CNTNAP5: variants seen among roughly 807,000 people sequenced by gnomAD.
CNTNAP5 encodes contactin-associated protein-like 5.
CNTNAP5 carries 72 observed loss-of-function variants against 150.2 expected under a neutral mutation model. The observed-to-expected ratio is 0.48, with a 90% CI of 0.40 to 0.58. The LOEUF (loss-of-function observed/expected upper bound fraction) is 0.58. Among genes scored for constraint, CNTNAP5 ranks in the 20% least tolerant of loss-of-function variants. The pLI, the probability that CNTNAP5 is intolerant of heterozygous loss-of-function variation, is 0.00. For missense variants in CNTNAP5, 1,636 were observed against 1,626.2 expected, an observed-to-expected ratio of 1.01 and a Z score of -0.10; for synonymous variants, 672 against 619.8, an observed-to-expected ratio of 1.08 and a Z score of -1.25.
At chr2:124,572,911 A>G (rs17011727) in intron 11 of CNTNAP5, among the ~76,000 whole-genome samples, 27,152 of 152,152 alleles carry the variant, frequency 0.18, 3,556 homozygotes, top group East Asian at 0.61. Flanking sequence ...ATTCTCTCAC[A>G]TAGCACTTAT....
At chr2:124,601,551 A>G (rs1696983786) in intron 11 of CNTNAP5, among the ~76,000 whole-genome samples, 1 of 152,234 alleles carries the variant, frequency 6.6e-6, no homozygotes, top group South Asian at 2.1e-4. Flanking sequence ...CCAAACAAGC[A>G]CAGCTTAAAG....
intron 13 of CNTNAP5, among the ~76,000 whole-genome samples, chr2:124,703,437 C>T (rs1324749463): frequency 6.6e-6 from 1 of 152,068 alleles, no homozygotes; most frequent in Non-Finnish European, 1.5e-5. Context: ...ACTTTTTAAC[C>T]TCTGATCCAA....
intron 3 of CNTNAP5, among the ~76,000 whole-genome samples, chr2:124,416,406 C>G (rs535951663): frequency 1.5e-4 from 23 of 150,942 alleles, no homozygotes; most frequent in Middle Eastern, 3.4e-3. Context: ...TTATTGTTCA[C>G]ATGTCATTCA....
At chr2:124,799,174 T>C (rs923246058) in intron 19 of CNTNAP5, among the ~76,000 whole-genome samples, 2 of 152,236 alleles carry the variant, frequency 1.3e-5, no homozygotes, top group African/African-American at 2.4e-5. Flanking sequence ...TTGCCCATTA[T>C]TAATTTAAGC....
At chr2:124,107,887 A>T (rs966772938) in intron 1 of CNTNAP5, among the ~76,000 whole-genome samples, 7 of 152,184 alleles carry the variant, frequency 4.6e-5, no homozygotes, top group African/African-American at 1.7e-4. Flanking sequence ...TAAGATGTGC[A>T]TTGGTTCTGT....
intron 7 of CNTNAP5, among the ~76,000 whole-genome samples, chr2:124,492,272 A>G (rs1558925693): frequency 6.6e-6 from 1 of 152,196 alleles, no homozygotes; most frequent in Non-Finnish European, 1.5e-5. Context: ...TCTGTAATAC[A>G]TTTCAAGTTA....
Position 124,038,816 on chromosome 2 carries a change from C to T in CNTNAP5, c.82+13084C>T, listed in dbSNP as rs184165176. On this transcript the variant is annotated intron_variant, in intron 1 of 23. Transcript: ENST00000682447. The stretch of plus-strand genomic sequence containing the variant: ...AGGAATCTCTAAGCCTACAATTTCA[C>T]GCAAAAGCAACTAGGTACAAGAACA... Among the ~76,000 whole-genome samples the T allele has an allele frequency of 4.6e-5, 7 of 152,266 alleles. No homozygotes were observed. In the South Asian group the frequency reaches 6.2e-4, roughly 14 times the overall value.
intron 1 of CNTNAP5, among the ~76,000 whole-genome samples, chr2:124,129,656 A>C (rs143632337): frequency 2.0e-3 from 307 of 152,286 alleles, no homozygotes; most frequent in Non-Finnish European, 3.1e-3. Context: ...CTAGTGCACA[A>C]ATTTTGGCAA....
chr2:124,185,635 A>G (rs1041268107), intron 1 of CNTNAP5, among the ~76,000 whole-genome samples: 16 of 152,206 alleles, frequency 1.1e-4, no homozygotes, highest in Non-Finnish European at 1.8e-4. Flanking sequence ...AACTCGGTGC[A>G]GGAATGAGCA....
At chr2:124,616,240 T>A (rs1677491337) in intron 12 of CNTNAP5, among the ~76,000 whole-genome samples, 1 of 152,210 alleles carries the variant, frequency 6.6e-6, no homozygotes, top group Admixed American at 6.5e-5. Context: ...ACCTATTGCT[T>A]AGTGTAGCCA....
intron 8 of CNTNAP5, among the ~76,000 whole-genome samples, chr2:124,519,301 A>C (rs936197836): frequency 6.6e-6 from 1 of 151,802 alleles, no homozygotes; most frequent in Non-Finnish European, 1.5e-5. Flanking sequence ...TCTATTAAAA[A>C]CCATTGGGTT....
intron 12 of CNTNAP5, among the ~76,000 whole-genome samples, chr2:124,620,106 G>A (rs779601888): frequency 1.3e-5 from 2 of 151,594 alleles, no homozygotes; most frequent in Admixed American, 6.6e-5. Context: ...GTCCCCACAG[G>A]GCTGTGAGCT....
intron 7 of CNTNAP5, among the ~76,000 whole-genome samples, chr2:124,492,730 A>G (rs1694060064): frequency 6.6e-6 from 1 of 152,044 alleles, no homozygotes; most frequent in Non-Finnish European, 1.5e-5. Flanking sequence ...TCCATTTTTG[A>G]TGCTATTGTA....
chr2:124,613,141 T>C (rs1677420645), intron 12 of CNTNAP5, among the ~76,000 whole-genome samples: 1 of 152,180 alleles, frequency 6.6e-6, no homozygotes, highest in Admixed American at 6.5e-5. Flanking sequence ...TGGAAAACAA[T>C]TTTCTGATAC....
chr2:124,267,122 G>A (rs902262290), intron 3 of CNTNAP5, among the ~76,000 whole-genome samples: 2 of 152,120 alleles, frequency 1.3e-5, no homozygotes, highest in Admixed American at 6.5e-5. Context: ...GCCTGCCCCT[G>A]AATGGAATAT....
At chr2:124,581,379 A>T (rs759192006) in intron 11 of CNTNAP5, among the ~76,000 whole-genome samples, 7 of 152,204 alleles carry the variant, frequency 4.6e-5, no homozygotes, top group South Asian at 2.1e-4. Context: ...TTTCTTTAAA[A>T]AGTCCAATCC....
In CNTNAP5 at chr2:124,865,449, C is replaced by A. The variant is rs1042420999; in HGVS notation, c.3348+13C>A. ...GCTTACCATTCAGGTACCTTCCTTACTTTCTCCTGCTTCAGCCAATGTGCC... is the reference window on the plus strand; with the variant it reads ...GCTTACCATTCAGGTACCTTCCTTAATTTCTCCTGCTTCAGCCAATGTGCC... On this transcript the variant is annotated intron_variant, in intron 20 of 23. Coordinates refer to ENST00000682447, the MANE Select transcript of CNTNAP5 (RefSeq NM_001367498.1). 3.8e-5 allele frequency: 59 copies of A among 1,550,742 alleles called. No homozygotes were observed. The Admixed American group carries it at 1.1e-3, about 29-fold the overall frequency.
rs566968856 is a variant in CNTNAP5 at position 124,121,842 on chromosome 2, T to C, written c.82+96110T>C. Among the ~76,000 whole-genome samples, 7 of 152,284 alleles carry C rather than the reference T, an allele frequency of 4.6e-5. No homozygotes were observed. In the South Asian group the frequency reaches 8.3e-4, roughly 18 times the overall value. On this transcript the variant is annotated intron_variant, in intron 1 of 23. Coordinates refer to ENST00000682447, the MANE Select transcript of CNTNAP5 (RefSeq NM_001367498.1). ...GAGTTTTATAGTGTGTATCAAACAATTTAGCACTTAACGCTAATTAAATGA... is the reference window on the plus strand; with the variant it reads ...GAGTTTTATAGTGTGTATCAAACAACTTAGCACTTAACGCTAATTAAATGA...
At chr2:124,172,399 A>G (rs949741499) in intron 1 of CNTNAP5, among the ~76,000 whole-genome samples, 1 of 152,014 alleles carries the variant, frequency 6.6e-6, no homozygotes, top group Non-Finnish European at 1.5e-5. Flanking sequence ...TTTTGATATC[A>G]TGGTCCTTTT....
Sources: gnomAD v4.1 joint callset for allele counts (sites outside exome capture counted in the v4.1 genomes callset) on GRCh38, gnomAD v4.1.1 for gene constraint, MANE v1.5 for transcripts, NCBI Gene and HGNC (gene_info 2026-07-23, HGNC 2026-07-21) for gene names.